Variants in PDE1C observed in about 807,000 individuals in gnomAD.
The protein encoded by PDE1C is phosphodiesterase 1C.
PDE1C carries 62 observed loss-of-function variants against 93.1 expected under a neutral mutation model. The ratio of observed to expected loss-of-function variants is 0.67; its 90% CI spans 0.54 to 0.82. PDE1C has a LOEUF of 0.82. Ranked by LOEUF, PDE1C falls within the 40% of genes least tolerant of loss-of-function variation. The pLI is 0.00. For missense variants in PDE1C, 742 were observed against 884.6 expected (o/e 0.84, Z 2.04); for synonymous variants, 325 against 310.1 (o/e 1.05, Z -0.50).
intron 16 of PDE1C, among the ~76,000 whole-genome samples, chr7:31,804,248 G>A (rs1246546834): frequency 6.6e-6 from 1 of 151,808 alleles, no homozygotes; most frequent in Admixed American, 6.6e-5. Flanking sequence ...ATAGGCTACA[G>A]CTTATTATTC....
At chr7:32,036,557 G>A (rs1791119232) in intron 2 of PDE1C, among the ~76,000 whole-genome samples, 1 of 152,070 alleles carries the variant, frequency 6.6e-6, no homozygotes, top group African/African-American at 2.4e-5. Context: ...ATTAATAAAA[G>A]TAATAAACAA....
chr7:32,296,953 A>T (rs1483248596), intron 1 of PDE1C, among the ~76,000 whole-genome samples: 2 of 152,218 alleles, frequency 1.3e-5, no homozygotes, highest in African/African-American at 4.8e-5. Context: ...AACTGATTCA[A>T]GGCAGGGTGT....
At chr7:31,645,133 G>A in the PDE1C span, among the ~76,000 whole-genome samples, 8,560 of 152,220 alleles carry the variant, frequency 0.056, 814 homozygotes, top group African/African-American at 0.19. Flanking sequence ...TCCAAATTCA[G>A]ATTCAATTTG....
At chr7:32,155,235 C>T (rs1036745056) in intron 3 of PDE1C, among the ~76,000 whole-genome samples, 6 of 152,188 alleles carry the variant, frequency 3.9e-5, no homozygotes, top group African/African-American at 1.4e-4. Context: ...GCTTTGAATC[C>T]CAGATCTACC....
chr7:31,966,346 T>C (rs1423652045), intron 2 of PDE1C, among the ~76,000 whole-genome samples: 1 of 151,788 alleles, frequency 6.6e-6, no homozygotes, highest in Non-Finnish European at 1.5e-5. Flanking sequence ...CCAACAAAGA[T>C]CAAAAGAGAC....
chr7:32,272,534 C>T (rs6947060), intron 1 of PDE1C, among the ~76,000 whole-genome samples: 101,407 of 152,136 alleles, frequency 0.67, 35,236 homozygotes, highest in Admixed American at 0.77. Flanking sequence ...AGATTTATTA[C>T]GCTGTAAAAA....
chr7:32,210,914 T>C (rs1015595666), intron 1 of PDE1C, among the ~76,000 whole-genome samples: 9 of 152,012 alleles, frequency 5.9e-5, no homozygotes, highest in Admixed American at 1.3e-4. Context: ...ACCGCAGCAT[T>C]TCAAAAAAAG....
intron 16 of PDE1C, chr7:31,808,154 T>C (rs1787089609): frequency 2.2e-6 from 1 of 460,940 alleles, no homozygotes; most frequent in Non-Finnish European, 4.2e-6. Context: ...CTCTTCCACC[T>C]GGTTACCCAG....
At chr7:31,721,831 G>A in the PDE1C span, among the ~76,000 whole-genome samples, 2 of 152,150 alleles carry the variant, frequency 1.3e-5, no homozygotes, top group African/African-American at 4.8e-5. Context: ...GAACCTAAAG[G>A]GGCTGGAAGG....
intron 1 of PDE1C, among the ~76,000 whole-genome samples, chr7:32,254,347 C>A (rs1386274274): frequency 6.6e-6 from 1 of 152,090 alleles, no homozygotes; most frequent in Non-Finnish European, 1.5e-5. Context: ...ACTGACAGGT[C>A]CAGGAAACAA....
chr7:32,009,518 T>C (rs1786782258), intron 2 of PDE1C, among the ~76,000 whole-genome samples: 1 of 152,208 alleles, frequency 6.6e-6, no homozygotes, highest in Admixed American at 6.5e-5. Context: ...CCTGTGGTCC[T>C]CAAGCCAAAA....
At chr7:32,066,709 G>T (rs549029256) in intron 1 of PDE1C, among the ~76,000 whole-genome samples, 1 of 152,088 alleles carries the variant, frequency 6.6e-6, no homozygotes, top group South Asian at 2.1e-4. Context: ...CTGTTTCCCT[G>T]ACTGAAAGAT....
intron 16 of PDE1C, among the ~76,000 whole-genome samples, chr7:31,802,505 T>G (rs955524606): frequency 1.3e-5 from 2 of 151,696 alleles, no homozygotes; most frequent in African/African-American, 4.8e-5. Flanking sequence ...GTAGTTGCCA[T>G]TTTTAATGCT....
At chr7:32,361,184 T>C (rs764341625) in intron 1 of PDE1C, among the ~76,000 whole-genome samples, 1 of 152,126 alleles carries the variant, frequency 6.6e-6, no homozygotes, top group Non-Finnish European at 1.5e-5. Context: ...ACTGCGCAGG[T>C]TCTCACAGGT....
intron 7 of PDE1C, among the ~76,000 whole-genome samples, chr7:31,857,046 G>C (rs1016413): frequency 0.44 from 67,072 of 151,908 alleles, 15,859 homozygotes; most frequent in East Asian, 0.52. Context: ...TAATGGATTA[G>C]AGCCCATCCA....
At chr7:32,077,659 C>T (rs1796427543) in intron 3 of PDE1C, among the ~76,000 whole-genome samples, 1 of 150,986 alleles carries the variant, frequency 6.6e-6, no homozygotes, top group Non-Finnish European at 1.5e-5. Flanking sequence ...GCAACCTCTC[C>T]CTCCCAGGTT....
At chr7:31,969,438 C>T (rs1215150802) in intron 2 of PDE1C, among the ~76,000 whole-genome samples, 73 of 152,136 alleles carry the variant, frequency 4.8e-4, no homozygotes, top group East Asian at 1.4e-3. Context: ...AAAACCACAA[C>T]GAGATACCAT....
intron 3 of PDE1C, among the ~76,000 whole-genome samples, chr7:32,115,958 T>C (rs1216182035): frequency 6.6e-6 from 1 of 152,062 alleles, no homozygotes; most frequent in East Asian, 1.9e-4. Flanking sequence ...GAGACCAAGA[T>C]GGCAGGGAAA....
At chr7:31,986,878 G>GT (rs1783468168) in intron 2 of PDE1C, among the ~76,000 whole-genome samples, 1 of 151,810 alleles carries the variant, frequency 6.6e-6, no homozygotes, top group South Asian at 2.1e-4. Context: ...AGAGGGGAAG[G>GT]TTTTTAGCTG....
Sources: gnomAD v4.1 joint callset for allele counts (sites outside exome capture counted in the v4.1 genomes callset) on GRCh38, gnomAD v4.1.1 for gene constraint, MANE v1.5 for transcripts, NCBI Gene and HGNC (gene_info 2026-07-23, HGNC 2026-07-21) for gene names.